PRKAG2: variants seen among roughly 807,000 people sequenced by gnomAD.
PRKAG2 encodes the protein protein kinase AMP-activated non-catalytic subunit gamma 2.
PRKAG2 carries 26 observed loss-of-function variants against 69.6 expected under a neutral mutation model. That is an observed-to-expected ratio of 0.37 (90% confidence interval 0.27 to 0.52). PRKAG2 has a LOEUF of 0.52. PRKAG2 is among the 20% of genes least tolerant of loss of function. The pLI, the probability that PRKAG2 is intolerant of heterozygous loss-of-function variation, is 0.90. For missense variants in PRKAG2, 557 were observed against 740.0 expected (o/e 0.75, Z 2.87); for synonymous variants, 293 against 285.0 (o/e 1.03, Z -0.28).
rs902652142 is a variant in PRKAG2, at chr7:151,777,714, G to A, written c.466+3438C>T. On this transcript the variant is annotated intron_variant, in intron 3 of 15. Coordinates refer to ENST00000287878, the MANE Select transcript of PRKAG2 (RefSeq NM_016203.4). The surrounding 1 kb of genome is among the most constrained non-coding windows in gnomAD (Gnocchi z 4.3). ...CTGGCTGGCTTTGCTCATTACCTGGGCGGAGGCCAAGCTAACAAAGGGAGG... is the reference window on the plus strand; with the variant it reads ...CTGGCTGGCTTTGCTCATTACCTGGACGGAGGCCAAGCTAACAAAGGGAGG... Among the ~76,000 whole-genome samples, 7 of 152,216 alleles carry A rather than the reference G, an allele frequency of 4.6e-5. No homozygotes were observed. Among genetic ancestry groups the A allele is most frequent in the East Asian group, 1.9e-4 (1 of 5,178 alleles).
At chr7:151,789,407 T>G (rs2077165401) in intron 1 of PRKAG2, among the ~76,000 whole-genome samples, 1 of 152,224 alleles carries the variant, frequency 6.6e-6, no homozygotes, top group Non-Finnish European at 1.5e-5. Flanking sequence ...GTCCTTGCCC[T>G]GGGGGTCCAG....
intron 6 of PRKAG2, among the ~76,000 whole-genome samples, chr7:151,594,033 C>G (rs1328878338): frequency 1.3e-5 from 2 of 152,168 alleles, no homozygotes; most frequent in Non-Finnish European, 2.9e-5. Flanking sequence ...GCAGGCCACA[C>G]CTGGGGGTCC....
intron 1 of PRKAG2, among the ~76,000 whole-genome samples, chr7:151,795,846 C>CATATAG (rs1491280551): frequency 2.6e-4 from 15 of 56,798 alleles, no homozygotes; most frequent in African/African-American, 9.5e-4. Context: ...AAACAAATCT[C>CATATAG]ATATATATAT....
At chr7:151,580,873 C>T (rs1038172753) in intron 6 of PRKAG2, among the ~76,000 whole-genome samples, 2 of 152,074 alleles carry the variant, frequency 1.3e-5, no homozygotes, top group African/African-American at 2.4e-5. Context: ...AGAATGAATA[C>T]GGTCTAGTAT....
rs533412044 is a variant in PRKAG2, at chr7:151,571,766, C to T, written c.1051+898G>A. Among the ~76,000 whole-genome samples the T allele has an allele frequency of 1.3e-4, 20 of 152,210 alleles. 1 individual carries two copies. Among genetic ancestry groups the T allele is most frequent in the African/African-American group, 3.6e-4 (15 of 41,536 alleles). Reference sequence around the variant, plus strand: ...CCATCACTCAGTGAAACTTCTAAATCGTATGGATTTGAAAGGGCCCCTGGG... The same window carrying T: ...CCATCACTCAGTGAAACTTCTAAATTGTATGGATTTGAAAGGGCCCCTGGG... On this transcript the variant is annotated intron_variant, in intron 9 of 15. Transcript: ENST00000287878.
chr7:151,561,932 T>TA (rs59146140), intron 14 of PRKAG2, among the ~76,000 whole-genome samples: 15,054 of 81,602 alleles, frequency 0.18, 1,099 homozygotes, highest in Non-Finnish European at 0.22. Flanking sequence ...GACTGTGTCT[T>TA]AAAAAAAAAA....
intron 1 of PRKAG2, among the ~76,000 whole-genome samples, chr7:151,852,221 C>A (rs11772588): frequency 0.15 from 23,563 of 152,122 alleles, 1,837 homozygotes; most frequent in East Asian, 0.28. Context: ...TAAGCCCTGG[C>A]GGGGCACAGA....
chr7:151,827,584 G>C (rs2078929894), intron 1 of PRKAG2, among the ~76,000 whole-genome samples: 1 of 151,946 alleles, frequency 6.6e-6, no homozygotes, highest in Admixed American at 6.6e-5. Context: ...CTAACATGCA[G>C]CCAAAATAGG....
chr7:151,716,649 G>C (rs1260883046), intron 3 of PRKAG2, among the ~76,000 whole-genome samples: 1 of 152,086 alleles, frequency 6.6e-6, no homozygotes, highest in African/African-American at 2.4e-5. Flanking sequence ...GGTGGAAACT[G>C]AGGCTTAGAC....
At chr7:151,563,226 T>C (rs1166763684) in intron 14 of PRKAG2, among the ~76,000 whole-genome samples, 1 of 152,210 alleles carries the variant, frequency 6.6e-6, no homozygotes, top group South Asian at 2.1e-4. Flanking sequence ...TAAAAACTGT[T>C]ATTTTTTTGG....
intron 1 of PRKAG2, among the ~76,000 whole-genome samples, chr7:151,843,036 C>G (rs971822895): frequency 2.0e-5 from 3 of 152,038 alleles, no homozygotes; most frequent in African/African-American, 4.8e-5. Flanking sequence ...ATACAGCAGG[C>G]ATTTGAAAGA....
intron 5 of PRKAG2, among the ~76,000 whole-genome samples, chr7:151,602,895 G>A (rs117866143): frequency 0.021 from 3,194 of 152,236 alleles, 57 homozygotes; most frequent in Middle Eastern, 0.031. Flanking sequence ...CACGAAAGAC[G>A]TGCCTCTTCC....
chr7:151,873,710 GTCCGAGGACCCCA>G (rs2080272948), intron 1 of PRKAG2, among the ~76,000 whole-genome samples: 1 of 152,176 alleles, frequency 6.6e-6, no homozygotes, highest in African/African-American at 2.4e-5. Context: ...AAGAAGGGTG[GTCCGAGGACCCCA>G]ACTATAACAT....
At chr7:151,768,828 T>C (rs947598422) in intron 3 of PRKAG2, among the ~76,000 whole-genome samples, 4 of 152,118 alleles carry the variant, frequency 2.6e-5, no homozygotes, top group Non-Finnish European at 5.9e-5. Context: ...ACTAAGTCAA[T>C]GGACAAGGAC....
At chr7:151,598,148 C>T (rs892728030) in intron 5 of PRKAG2, among the ~76,000 whole-genome samples, 1 of 152,194 alleles carries the variant, frequency 6.6e-6, no homozygotes, top group Non-Finnish European at 1.5e-5. Flanking sequence ...GAAATCCTGA[C>T]ATCTGTGAGC....
intron 1 of PRKAG2, among the ~76,000 whole-genome samples, chr7:151,794,997 G>A (rs1316237485): frequency 6.6e-6 from 1 of 152,146 alleles, no homozygotes; most frequent in Non-Finnish European, 1.5e-5. Flanking sequence ...CATCCTGACC[G>A]TCCTGACCTC....
chr7:151,654,195 T>C (rs1829053491), intron 4 of PRKAG2, among the ~76,000 whole-genome samples: 1 of 152,148 alleles, frequency 6.6e-6, no homozygotes, highest in Non-Finnish European at 1.5e-5. Flanking sequence ...AAAGCCTTTC[T>C]TCCATTTAAC....
At chr7:151,826,818 T>A (rs2078913338) in intron 1 of PRKAG2, among the ~76,000 whole-genome samples, 1 of 152,214 alleles carries the variant, frequency 6.6e-6, no homozygotes, top group Non-Finnish European at 1.5e-5. Flanking sequence ...TAAAACACCA[T>A]TGCAATTCCA....
chr7:151,632,624 TCCGCGG>T lies in PRKAG2; in HGVS notation c.685-492_685-487del, dbSNP rs1824953817. On this transcript the variant is annotated intron_variant, in intron 4 of 15. Transcript: ENST00000287878. The surrounding 1 kb of genome is among the most constrained non-coding windows in gnomAD (Gnocchi z 4.2). ...AGGCTCCACCTGCGCAGGTGTGGGC[TCCGCGG>T]CGCGGGGAGGGGGAGAGGGGCTGGA... is the stretch of plus-strand genomic sequence containing the variant. The T allele has an allele frequency of 1.0e-6, 1 of 984,046 alleles. No homozygotes were observed. The highest frequency in any genetic ancestry group is 1.2e-6 in the Non-Finnish European group (1 of 829,162). The allele number at this position is 984,046 out of a possible 1,614,324, so 61.0% of individuals were successfully genotyped here. A position where few individuals can be genotyped will look rare whatever the true frequency, so the allele number is the denominator to read the frequency against.
Sources: allele counts gnomAD v4.1 joint callset (sites outside exome capture counted in the v4.1 genomes callset), GRCh38; gene constraint gnomAD v4.1.1; non-coding constraint Gnocchi (gnomAD v3.1); transcripts MANE v1.5; gene names NCBI Gene and HGNC (gene_info 2026-07-23, HGNC 2026-07-21).